The following PALMD variants were observed in gnomAD, a reference collection of about 807,000 sequenced individuals.
PALMD encodes the protein paralemmin-like protein.
PALMD carries 42 observed loss-of-function variants against 56.2 expected under a neutral mutation model. The observed-to-expected ratio is 0.75, with a 90% CI of 0.58 to 0.97. The LOEUF is 0.97. Ranked by LOEUF, PALMD falls within the 50% of genes least tolerant of loss-of-function variation. PALMD has a pLI of 0.00. For missense variants in PALMD, 660 were observed against 643.8 expected (o/e 1.03, Z -0.27); for synonymous variants, 242 against 222.9 (o/e 1.09, Z -0.76).
In PALMD at chr1:99,688,989, A is replaced by C; in HGVS notation, c.729A>C (p.Leu243=). Residue 243 remains leucine (L), a synonymous_variant, in exon 7 of 8, where the codon CTA becomes CTC. Coordinates refer to ENST00000263174, the MANE Select transcript of PALMD (RefSeq NM_017734.5). ...CACCAGTTGAAGTAGAGGAACTTCT[A>C]AGACAAGCCTCAGAGAGAAACTCTA... The part of the protein sequence containing the change: ...GLAPVEVEEL[L]RQASERNSKS... 1 of 1,613,792 alleles carries C rather than the reference A, an allele frequency of 6.2e-7. No homozygotes were observed. The highest frequency in any genetic ancestry group is 2.2e-5 in the East Asian group (1 of 44,878).
chr1:99,664,405 G>C (rs933866739), intron 2 of PALMD, among the ~76,000 whole-genome samples: 2 of 152,114 alleles, frequency 1.3e-5, no homozygotes, highest in Non-Finnish European at 2.9e-5. Flanking sequence ...TATTTATTAA[G>C]TACATATTAT....
chr1:99,689,373 C>G lies in PALMD; in HGVS notation c.1113C>G (p.Pro371=). The change falls in exon 7 of 8, where the codon CCC becomes CCG. Residue 371 remains proline (P), a synonymous_variant. Coordinates refer to ENST00000263174, the MANE Select transcript of PALMD (RefSeq NM_017734.5). The part of the protein sequence containing the change: ...DAPSPKPRLS[P]RETIFGKSEH... ...CCTCTCCAAAGCCAAGGCTGAGCCC[C>G]AGAGAGACAATATTTGGGAAATCTG... 6.2e-7 allele frequency: 1 copy of G among 1,613,734 alleles called. No homozygotes were observed. Among genetic ancestry groups the G allele is most frequent in the Non-Finnish European group, 8.5e-7 (1 of 1,179,884 alleles).
rs1652437868 is a variant in PALMD at position 99,646,125 on chromosome 1, T to C, written c.-193T>C. On this transcript the variant is annotated 5_prime_UTR_variant, in exon 1 of 8. Transcript: ENST00000263174. ...CCAGCACACCCTCATTACATGTGTC[T>C]GTCTGGCCTGATCTGTGCATCTGCT... 1.7e-6 allele frequency: 1 copy of C among 590,440 alleles called. No homozygotes were observed. The highest frequency in any genetic ancestry group is 2.0e-5 in the South Asian group (1 of 49,122). 36.6% of individuals were successfully genotyped at this position (590,440 alleles called of 1,614,324 possible).
Position 99,689,832 on chromosome 1 carries a change from TC to T in PALMD, c.1573del (p.Gln525ArgfsTer12), listed in dbSNP as rs1361586191. On this transcript the variant is annotated frameshift_variant, in exon 7 of 8. Transcript: ENST00000263174. LOFTEE classifies it high-confidence loss of function. ...SPVHHSPFDA[Q>X]TTGDGTEDPS... is the part of the protein sequence containing the mutation. Reference sequence around the variant, plus strand: ...CTGTCCACCATTCCCCATTTGATGCTCAGACAACTGGAGATGGGACTGAGGA... The same window carrying T: ...CTGTCCACCATTCCCCATTTGATGCTAGACAACTGGAGATGGGACTGAGGA... 6.2e-7 allele frequency: 1 copy of T among 1,612,302 alleles called. No individual in the cohort carries two copies. The highest frequency in any genetic ancestry group is 2.2e-5 in the East Asian group (1 of 44,878).
intron 7 of PALMD, among the ~76,000 whole-genome samples, chr1:99,692,678 G>A (rs561761906): frequency 6.6e-5 from 10 of 152,258 alleles, no homozygotes; most frequent in East Asian, 1.9e-4. Flanking sequence ...CAATTTGCCC[G>A]TGACTTATAA....
intron 3 of PALMD, among the ~76,000 whole-genome samples, chr1:99,673,442 C>T (rs950562760): frequency 6.6e-6 from 1 of 151,368 alleles, no homozygotes; most frequent in African/African-American, 2.4e-5. Flanking sequence ...TACCACATAG[C>T]AGAGAGATAG....
chr1:99,668,835 GC>G (rs1228701442), intron 3 of PALMD: 2 of 152,108 alleles, frequency 1.3e-5, no homozygotes, highest in African/African-American at 4.8e-5. Flanking sequence ...ATTATCACAT[GC>G]AAAAAAGCAC....
At chr1:99,646,444 C>A (rs1652445995) in intron 1 of PALMD, 82 bp downstream of exon 1, 2 of 1,039,148 alleles carry the variant, frequency 1.9e-6, no homozygotes, top group East Asian at 4.8e-5. Context: ...TGTCGCTGAG[C>A]CCTCGCAAGT....
chr1:99,688,753 G>T, intron 6 of PALMD, 22 bp from the exon 7 acceptor site: 1 of 1,511,236 alleles, frequency 6.6e-7, no homozygotes, highest in Non-Finnish European at 8.9e-7. Flanking sequence ...CTAAATCAAA[G>T]ATCAAATTTG....
At chr1:99,662,115 C>T (rs1652860784) in intron 1 of PALMD, among the ~76,000 whole-genome samples, 1 of 152,114 alleles carries the variant, frequency 6.6e-6, no homozygotes, top group Non-Finnish European at 1.5e-5. Flanking sequence ...GAAAAAGTGC[C>T]TTTTCATATT....
In PALMD at chr1:99,689,551, A is replaced by G. The variant is rs748661563; in HGVS notation, c.1291A>G (p.Lys431Glu). 4.3e-6 allele frequency: 7 copies of G among 1,613,668 alleles called. No individual in the cohort carries two copies. The highest frequency in any genetic ancestry group is 5.9e-6 in the Non-Finnish European group (7 of 1,179,838). ...GGCAGAAGACAGTGAAGAAGATAAG[A>G]AGTTTCTGACAGGATATGATGGGAT... The part of the protein sequence containing the change: ...QQAEDSEEDK[K>E]FLTGYDGIIH... Residue 431 changes from lysine to glutamate, a missense_variant, in exon 7 of 8, where the codon AAG (lysine) becomes GAG (glutamate). By Grantham distance (56) the Lys-to-Glu change is moderately conservative. Coordinates refer to ENST00000263174, the MANE Select transcript of PALMD (RefSeq NM_017734.5).
intron 3 of PALMD, among the ~76,000 whole-genome samples, chr1:99,676,790 A>G (rs1653222808): frequency 6.6e-6 from 1 of 151,774 alleles, no homozygotes; most frequent in African/African-American, 2.4e-5. Flanking sequence ...AAGTAAAAAA[A>G]GAAAAAAAAA....
chr1:99,673,729 A>G (rs1168286570), intron 3 of PALMD, among the ~76,000 whole-genome samples: 1 of 152,354 alleles, frequency 6.6e-6, no homozygotes, highest in East Asian at 1.9e-4. Flanking sequence ...AAAAAAGCCA[A>G]GTAAACCAAA....
Position 99,689,167 on chromosome 1 carries a change from C to A in PALMD, c.907C>A (p.His303Asn), listed in dbSNP as rs1335145077. 3 of 1,613,348 alleles carry A rather than the reference C, an allele frequency of 1.9e-6. No individual in the cohort carries two copies. Among genetic ancestry groups the A allele is most frequent in the Non-Finnish European group, 2.5e-6 (3 of 1,179,670 alleles). ...GLGIGVNESI[H>N]NMGNGLSEER... ...GGGTATTGGTGTAAATGAATCCATA[C>A]ACAATATGGGCAATGGTCTTTCAGA... The change falls in exon 7 of 8, where the codon CAC becomes AAC. Residue 303 changes from histidine to asparagine, a missense_variant. By Grantham distance (68) the His-to-Asn change is moderately conservative (BLOSUM62 1). Transcript: ENST00000263174.
At chr1:99,670,376 A>G (rs1383531370) in intron 3 of PALMD, among the ~76,000 whole-genome samples, 5 of 152,194 alleles carry the variant, frequency 3.3e-5, no homozygotes, top group African/African-American at 1.2e-4. Context: ...ACTTACATTA[A>G]GTCATCGAAA....
intron 7 of PALMD, 49 bp from the exon 8 acceptor site, chr1:99,693,970 A>G (rs767878586): frequency 2.2e-6 from 3 of 1,390,548 alleles, no homozygotes; most frequent in South Asian, 1.3e-5. Flanking sequence ...TTTAGAGTAA[A>G]AATTGAGGAT....
At chr1:99,671,559 A>T (rs1054737026) in intron 3 of PALMD, among the ~76,000 whole-genome samples, 1 of 152,138 alleles carries the variant, frequency 6.6e-6, no homozygotes, top group African/African-American at 2.4e-5. Flanking sequence ...AGGTATTTTT[A>T]TTTTTTGGCC....
At chr1:99,669,543 G>T (rs1653040637) in intron 3 of PALMD, 1 of 152,252 alleles carries the variant, frequency 6.6e-6, no homozygotes, top group Non-Finnish European at 1.5e-5. Flanking sequence ...CCACTGCACA[G>T]ACACCTACTT....
At chr1:99,655,927 C>T (rs187339652) in intron 1 of PALMD, among the ~76,000 whole-genome samples, 1,629 of 104,060 alleles carry the variant, frequency 0.016, 30 homozygotes, top group African/African-American at 0.054. Flanking sequence ...CTCAGCATAA[C>T]ACACACGCAC....
Sources: allele counts gnomAD v4.1 joint callset (sites outside exome capture counted in the v4.1 genomes callset), GRCh38; gene constraint gnomAD v4.1.1; transcripts MANE v1.5; gene names NCBI Gene and HGNC (gene_info 2026-07-23, HGNC 2026-07-21).